The following ARRDC2 variants were observed in gnomAD, a reference collection of about 807,000 sequenced individuals.
ARRDC2 encodes arrestin domain containing 2.
In ARRDC2, 39 loss-of-function variants were observed where a neutral mutation model predicts 38.9. The observed-to-expected ratio is 1.00, with a 90% CI of 0.78 to 1.31. The LOEUF is 1.31. ARRDC2 is among the 50% of genes most tolerant of loss of function. ARRDC2 has a pLI of 0.00. For synonymous variants in ARRDC2, 300 were observed against 261.9 expected (o/e 1.15, Z -1.41); for missense variants, 553 against 588.4 (o/e 0.94, Z 0.62).
chr19:18,010,120 G>A, intron 5 of ARRDC2, 76 bp from the exon 6 acceptor site: 2 of 1,605,144 alleles, frequency 1.2e-6, no homozygotes, highest in Non-Finnish European at 1.7e-6. Context: ...TGAGGCCTCA[G>A]TCTCCCCAGG....
chr19:18,003,656 G>GTTT (rs1186516153), upstream of ARRDC2, among the ~76,000 whole-genome samples: 1 of 140,832 alleles, frequency 7.1e-6, no homozygotes, highest in Non-Finnish European at 1.6e-5. Context: ...TTGTTTGTTT[G>GTTT]GGGGACGGAG....
At chr19:18,009,155 T>C (rs965673407) in intron 3 of ARRDC2, 37 bp downstream of exon 3, 2 of 1,607,318 alleles carry the variant, frequency 1.2e-6, no homozygotes, top group Non-Finnish European at 1.7e-6. Context: ...GTTGGGAGTA[T>C]TGTAGGAAGG....
intron 3 of ARRDC2, 100 bp downstream of exon 3, chr19:18,009,218 G>A: frequency 7.1e-7 from 1 of 1,402,262 alleles, no homozygotes; most frequent in Non-Finnish European, 9.7e-7. Context: ...GTCATAGGTG[G>A]GCCCTGGCAG....
chr19:18,001,692 G>A (rs892462012), intron 1 of ARRDC2: 20 of 1,172,610 alleles, frequency 1.7e-5, no homozygotes, highest in Admixed American at 1.3e-4. Flanking sequence ...TTTCAAGGAG[G>A]GGGAAACCCC....
chr19:18,006,878 CTAG>C (rs1360660427), upstream of ARRDC2, among the ~76,000 whole-genome samples: 2 of 152,164 alleles, frequency 1.3e-5, no homozygotes, highest in Non-Finnish European at 2.9e-5. Flanking sequence ...TGTCTCCCCT[CTAG>C]TATCCATTGA....
In ARRDC2 at chr19:18,010,657, C is replaced by T. The variant is rs8100681; in HGVS notation, c.1098C>T (p.Asp366=). The T allele has an allele frequency of 0.049, 78,728 of 1,613,838 alleles. 2,414 individuals are homozygous for T. Among genetic ancestry groups the T allele is most frequent in the African/African-American group, 0.11 (8,620 of 75,008 alleles). The change falls in exon 7 of 8, where the codon GAC becomes GAT. Residue 366 remains aspartate, a synonymous_variant. Transcript: ENST00000222250. ...CCTTCCCGCTTCCGCAGGACCCCGA[C>T]ATGAGCCTTGAAGGCCCGTTCTTCG... ...QSPFPLPQDP[D]MSLEGPFFAY...
At chr19:18,004,031 C>T (rs1025281368), upstream of ARRDC2, among the ~76,000 whole-genome samples, 14 of 151,336 alleles carry the variant, frequency 9.3e-5, no homozygotes, top group African/African-American at 3.4e-4. Context: ...CCTCGGCCTT[C>T]CAAAATGCTT....
rs1436960558 is a variant in ARRDC2, at chr19:18,010,127, CAGGCAT to C, written c.850-65_850-60del. 4.4e-6 allele frequency: 7 copies of C among 1,606,318 alleles called. No homozygotes were observed. The East Asian group carries it at 1.6e-4, about 36-fold the overall frequency. On this transcript the variant is annotated intron_variant, in intron 5 of 7. Coordinates refer to ENST00000222250, the MANE Select transcript of ARRDC2 (RefSeq NM_015683.2). ...GGGGAAGCTGAGGCCTCAGTCTCCC[CAGGCAT>C]AGGAGGGAGGTGGGGGTTGGGGAGG...
exon 1 of ARRDC2, chr19:18,001,135 G>C: frequency 3.5e-6 from 2 of 576,874 alleles, no homozygotes; most frequent in Non-Finnish European, 4.7e-6. Context: ...CAGAGGACCA[G>C]GAAGTTCGCC....
chr19:18,008,564 GCGCCACGCTCC>G lies in ARRDC2; in HGVS notation c.255_265del (p.Ala86GlyfsTer16). The G allele has an allele frequency of 6.3e-7, 1 of 1,578,128 alleles. No homozygotes were observed. Among genetic ancestry groups the G allele is most frequent in the Non-Finnish European group, 8.5e-7 (1 of 1,169,758 alleles). On this transcript the variant is annotated frameshift_variant, in exon 1 of 8. Transcript: ENST00000222250. LOFTEE classifies it high-confidence loss of function. Reference sequence around the variant, plus strand: ...GAACGCGTGGAGGTCGTGAGCCACCGCGCCACGCTCCTGGCGCCAGGTACGGATGGAGGACC... The same window carrying G: ...GAACGCGTGGAGGTCGTGAGCCACCGTGGCGCCAGGTACGGATGGAGGACC...
rs780182812 is a variant in ARRDC2 at position 18,011,934 on chromosome 19, GTA to G, written c.1171-961_1171-960del. 4.4e-3 allele frequency among the ~76,000 whole-genome samples: 299 copies of G among 68,396 alleles called. 10 individuals carry two copies. Among genetic ancestry groups the G allele is most frequent in the Middle Eastern group, 0.011 (1 of 94 alleles). 44.9% of individuals were successfully genotyped at this position (68,396 alleles called of 152,430 possible). ...ATTTATATTTTGTGTGTGTATATGTGTATATATATATATATATATTTTTTTTT... is the reference window on the plus strand; with the variant it reads ...ATTTATATTTTGTGTGTGTATATGTGTATATATATATATATATTTTTTTTT... On this transcript the variant is annotated intron_variant, in intron 7 of 7. Coordinates refer to ENST00000222250, the MANE Select transcript of ARRDC2 (RefSeq NM_015683.2).
chr19:18,010,645 G>C lies in ARRDC2; in HGVS notation c.1086G>C (p.Pro362=), dbSNP rs147293119. The change falls in exon 7 of 8, where the codon CCG becomes CCC. Residue 362 remains proline (P), a synonymous_variant. Transcript: ENST00000222250. ...AALGQSPFPL[P]QDPDMSLEGP... ...TGGGGCAGAGCCCCTTCCCGCTTCC[G>C]CAGGACCCCGACATGAGCCTTGAAG... The C allele has an allele frequency of 3.3e-3, 5,318 of 1,613,758 alleles. 12 individuals carry two copies. The highest frequency in any genetic ancestry group is 3.3e-3 in the Non-Finnish European group (3,878 of 1,179,976).
chr19:18,012,721 C>T (rs545011699), intron 7 of ARRDC2, among the ~76,000 whole-genome samples, 192 bp from the exon 8 acceptor site: 1 of 152,278 alleles, frequency 6.6e-6, no homozygotes, highest in African/African-American at 2.4e-5. Flanking sequence ...AACCAATCCC[C>T]TGTGGATACC....
chr19:18,007,956 T>C (rs2033312690), upstream of ARRDC2: 1 of 406,100 alleles, frequency 2.5e-6, no homozygotes, highest in Non-Finnish European at 4.3e-6. Flanking sequence ...AGACCAGCTC[T>C]GGCAGCCTAA....
intron 6 of ARRDC2, 75 bp from the exon 7 acceptor site, chr19:18,010,497 C>T (rs2033390084): frequency 6.4e-7 from 1 of 1,572,844 alleles, no homozygotes; most frequent in African/African-American, 1.4e-5. Flanking sequence ...CTGGCACAAG[C>T]CAGCTCCTGG....
Position 18,008,335 on chromosome 19 carries a change from T to C in ARRDC2, c.25T>C (p.Phe9Leu), listed in dbSNP as rs1209342154. 3.3e-5 allele frequency: 53 copies of C among 1,596,848 alleles called. No individual in the cohort carries two copies. The highest frequency in any genetic ancestry group is 4.5e-5 in the Non-Finnish European group (53 of 1,178,938). ...GATGCTATTCGACAAGGTGAAAGCG[T>C]TCTCGGTGCAGTTGGACGGCGCGAC... MLFDKVKA[F>L]SVQLDGATAG... Residue 9 changes from phenylalanine (F) to leucine (L), a missense_variant, in exon 1 of 8, where the codon TTC (phenylalanine) becomes CTC (leucine). By Grantham distance (22) the Phe-to-Leu change is conservative. Coordinates refer to ENST00000222250, the MANE Select transcript of ARRDC2 (RefSeq NM_015683.2).
rs760638491 is a variant in ARRDC2, at chr19:18,009,688, A to G, written c.586A>G (p.Thr196Ala). 3.1e-6 allele frequency: 5 copies of G among 1,611,916 alleles called. No homozygotes were observed. Among genetic ancestry groups the G allele is most frequent in the South Asian group, 1.1e-5 (1 of 91,014 alleles). Residue 196 changes from threonine (T) to alanine (A), a missense_variant, in exon 4 of 8, where the codon ACC becomes GCC. By Grantham distance (58) the Thr-to-Ala change is moderately conservative. This residue lies in a region of ARRDC2 where 447 missense variants were observed against 456.6 expected (regional missense o/e 0.98). Transcript: ENST00000222250. Reference protein sequence around the residue: ...LSAKIDRKGYTPGEVIPVFAE... With the variant: ...LSAKIDRKGYAPGEVIPVFAE... ...GGCCAAGATCGACCGCAAGGGCTAC[A>G]CCCCAGGTAGCAGGCGGACCGGACT...
intron 7 of ARRDC2, among the ~76,000 whole-genome samples, chr19:18,012,642 G>A (rs577148573): frequency 2.0e-4 from 30 of 152,192 alleles, no homozygotes; most frequent in Middle Eastern, 3.4e-3. Flanking sequence ...TAGATTATCC[G>A]CAAATATTAT....
At position 18,009,370 on chromosome 19, in the gene ARRDC2, A is replaced by C. The variant is rs541556408; in HGVS notation, c.490-222A>C. The C allele has an allele frequency of 1.1e-4, 70 of 632,366 alleles. No individual in the cohort carries two copies. The African/African-American group carries it at 1.2e-3, about 11-fold the overall frequency. 39.2% of individuals were successfully genotyped at this position (632,366 alleles called of 1,614,324 possible). A position where few individuals can be genotyped will look rare whatever the true frequency, so the allele number is the denominator to read the frequency against. On this transcript the variant is annotated intron_variant, in intron 3 of 7. Coordinates refer to ENST00000222250, the MANE Select transcript of ARRDC2 (RefSeq NM_015683.2). ...AAATAGACCAGAGCTAGGGCTTACC[A>C]AGTGTGAATTACACACCAAACACTT...
Sources: allele counts gnomAD v4.1 joint callset (sites outside exome capture counted in the v4.1 genomes callset), GRCh38; gene constraint gnomAD v4.1.1; regional missense constraint gnomAD v4.1.1; transcripts MANE v1.5; gene names NCBI Gene and HGNC (gene_info 2026-07-23, HGNC 2026-07-21).